The following LRRC4C variants were observed in gnomAD, a reference collection of about 807,000 sequenced individuals.
LRRC4C encodes leucine rich repeat containing 4C.
In LRRC4C, 5 loss-of-function variants were observed where a neutral mutation model predicts 33.6. The observed-to-expected ratio is 0.15, with a 90% confidence interval of 0.08 to 0.31. LRRC4C has a LOEUF of 0.31. Ranked by LOEUF, LRRC4C falls within the 10% of genes least tolerant of loss-of-function variation. The pLI, the probability that LRRC4C is intolerant of heterozygous loss-of-function variation, is 1.00. For synonymous variants in LRRC4C, 329 were observed against 302.0 expected (o/e 1.09, Z -0.93); for missense variants, 560 against 796.7 (o/e 0.70, Z 3.58).
chr11:40,534,934 T>C (rs906631673), intron 3 of LRRC4C, among the ~76,000 whole-genome samples: 3 of 152,202 alleles, frequency 2.0e-5, no homozygotes, highest in Admixed American at 1.3e-4. Context: ...GAGCAAACAG[T>C]ATCTTTCCTA....
chr11:40,695,077 C>T (rs1945424844), intron 2 of LRRC4C, among the ~76,000 whole-genome samples: 1 of 152,022 alleles, frequency 6.6e-6, no homozygotes. Flanking sequence ...CACGTTTTCT[C>T]CCCATTTGAA....
intron 1 of LRRC4C, among the ~76,000 whole-genome samples, chr11:41,248,929 C>T (rs542600634): frequency 6.6e-6 from 1 of 152,262 alleles, no homozygotes; most frequent in African/African-American, 2.4e-5. Flanking sequence ...TCTCATATCT[C>T]ACTTCCAATC....
At chr11:40,676,881 C>G (rs983366566) in intron 2 of LRRC4C, among the ~76,000 whole-genome samples, 11 of 151,992 alleles carry the variant, frequency 7.2e-5, no homozygotes, top group Non-Finnish European at 1.5e-4. Context: ...GGGTATCGCT[C>G]CACAGAAAAT....
rs935919740 is a variant in LRRC4C at position 40,417,008 on chromosome 11, C to A, written c.-269-97287G>T. On this transcript the variant is annotated intron_variant, in intron 3 of 6. Transcript: ENST00000528697. ...AATGTTCAAATGAGGTTTGTGTATA[C>A]TTTGAGAACCAGTGAATGTCCCTTT... Among the ~76,000 whole-genome samples, 4 of 152,294 alleles carry A rather than the reference C, an allele frequency of 2.6e-5. No homozygotes were observed. The East Asian group carries it at 7.7e-4, about 29-fold the overall frequency.
At chr11:41,000,788 G>C (rs114652978) in intron 1 of LRRC4C, among the ~76,000 whole-genome samples, 1 of 152,258 alleles carries the variant, frequency 6.6e-6, no homozygotes, top group Admixed American at 6.5e-5. Context: ...ATTTAAAATG[G>C]ACAGTACTAA....
chr11:41,348,308 T>G (rs1216679154), intron 1 of LRRC4C, among the ~76,000 whole-genome samples: 1 of 152,130 alleles, frequency 6.6e-6, no homozygotes, highest in Non-Finnish European at 1.5e-5. Context: ...CAATTCATGG[T>G]GGTCAGAAGT....
chr11:40,136,089 G>A (rs1181791796), intron 6 of LRRC4C, among the ~76,000 whole-genome samples: 1 of 152,112 alleles, frequency 6.6e-6, no homozygotes, highest in African/African-American at 2.4e-5. Context: ...TGTAAGTAAA[G>A]TTTTGTTAGT....
intron 4 of LRRC4C, among the ~76,000 whole-genome samples, chr11:40,264,985 G>T (rs1590858866): frequency 6.6e-6 from 1 of 152,160 alleles, no homozygotes; most frequent in Non-Finnish European, 1.5e-5. Context: ...AAAGGTCAAG[G>T]TCTCTCATAT....
chr11:41,084,357 A>G (rs2135503337), intron 1 of LRRC4C, among the ~76,000 whole-genome samples: 2 of 152,256 alleles, frequency 1.3e-5, no homozygotes, highest in South Asian at 4.1e-4. Flanking sequence ...TGCAATGGAG[A>G]CTTCAATAGT....
At chr11:40,917,696 A>G (rs1957019366) in intron 2 of LRRC4C, among the ~76,000 whole-genome samples, 1 of 152,134 alleles carries the variant, frequency 6.6e-6, no homozygotes. Flanking sequence ...AGAGATAACA[A>G]AACTACTTAA....
intron 1 of LRRC4C, among the ~76,000 whole-genome samples, chr11:40,963,578 G>A (rs1851118714): frequency 6.6e-6 from 1 of 151,720 alleles, no homozygotes; most frequent in South Asian, 2.1e-4. Context: ...GACATAAGAT[G>A]CTTTGTAGCC....
chr11:40,686,214 A>G (rs756721193), intron 2 of LRRC4C, among the ~76,000 whole-genome samples: 1 of 152,060 alleles, frequency 6.6e-6, no homozygotes, highest in Non-Finnish European at 1.5e-5. Flanking sequence ...CAATAACAGT[A>G]TCTACCATTG....
At chr11:41,356,985 T>A (rs567802886) in intron 1 of LRRC4C, among the ~76,000 whole-genome samples, 3 of 152,234 alleles carry the variant, frequency 2.0e-5, no homozygotes, top group African/African-American at 7.2e-5. Context: ...CAAGTTAGCA[T>A]GTTAATAATC....
chr11:40,819,657 G>C (rs1242849529), intron 2 of LRRC4C, among the ~76,000 whole-genome samples: 1 of 151,990 alleles, frequency 6.6e-6, no homozygotes, highest in African/African-American at 2.4e-5. Context: ...CAACCCAGAA[G>C]CTGTGTGCAT....
At chr11:40,873,865 G>A (rs1203124938) in intron 2 of LRRC4C, among the ~76,000 whole-genome samples, 2 of 152,012 alleles carry the variant, frequency 1.3e-5, no homozygotes, top group Non-Finnish European at 2.9e-5. Flanking sequence ...CATGTTTCAT[G>A]TTTCTTATGG....
intron 2 of LRRC4C, among the ~76,000 whole-genome samples, chr11:40,914,075 A>T (rs1397439659): frequency 6.6e-6 from 1 of 152,158 alleles, no homozygotes; most frequent in Non-Finnish European, 1.5e-5. Flanking sequence ...AACCAAAAAA[A>T]GTCCAGGACC....
intron 1 of LRRC4C, among the ~76,000 whole-genome samples, chr11:41,233,484 A>G (rs982008290): frequency 3.3e-5 from 5 of 152,084 alleles, no homozygotes; most frequent in Non-Finnish European, 7.4e-5. Flanking sequence ...ACATTAGAAA[A>G]AAAAATTTGC....
At chr11:40,923,959 C>A (rs796557125) in intron 2 of LRRC4C, among the ~76,000 whole-genome samples, 14 of 151,818 alleles carry the variant, frequency 9.2e-5, no homozygotes, top group Non-Finnish European at 7.4e-5. Flanking sequence ...TTTAGCAATG[C>A]ATTAGAGAAA....
intron 1 of LRRC4C, among the ~76,000 whole-genome samples, chr11:41,118,088 G>A (rs1031137692): frequency 2.6e-5 from 4 of 152,094 alleles, no homozygotes; most frequent in African/African-American, 9.7e-5. Flanking sequence ...CATTACAAAT[G>A]CATTGCCCCA....
Sources: allele counts gnomAD v4.1 joint callset (sites outside exome capture counted in the v4.1 genomes callset), GRCh38; gene constraint gnomAD v4.1.1; transcripts MANE v1.5; gene names NCBI Gene and HGNC (gene_info 2026-07-23, HGNC 2026-07-21).